The following FGGY variants were observed in gnomAD, a reference collection of about 807,000 sequenced individuals.
FGGY encodes the protein FGGY carbohydrate kinase domain containing.
In FGGY, 72 loss-of-function variants were observed where a neutral mutation model predicts 71.3. The observed-to-expected ratio is 1.01, with a 90% confidence interval of 0.84 to 1.23. The LOEUF (loss-of-function observed/expected upper bound fraction) is 1.23, where lower values mean the gene tolerates loss of function less well. FGGY is among the 50% of genes most tolerant of loss of function. The probability of loss-of-function intolerance (pLI) is 0.00; values close to 1 mark genes in which losing one functional copy is unlikely to be tolerated. For synonymous variants in FGGY, 251 were observed against 250.3 expected (o/e 1.00, Z -0.02); for missense variants, 668 against 682.3 (o/e 0.98, Z 0.23).
intron 2 of FGGY, among the ~76,000 whole-genome samples, chr1:59,325,381 C>A (rs557338076): frequency 3.3e-5 from 5 of 151,856 alleles, no homozygotes; most frequent in Admixed American, 1.3e-4. Context: ...ACAACAACAA[C>A]AACAAAAACA....
chr1:59,433,252 A>G (rs2067751849), intron 5 of FGGY, among the ~76,000 whole-genome samples: 1 of 152,210 alleles, frequency 6.6e-6, no homozygotes, highest in Non-Finnish European at 1.5e-5. Flanking sequence ...GCAGCCAGAT[A>G]AACCAAAAAT....
chr1:59,363,641 G>A (rs1376957237), intron 4 of FGGY, among the ~76,000 whole-genome samples: 2 of 152,160 alleles, frequency 1.3e-5, no homozygotes, highest in East Asian at 3.9e-4. Context: ...GTAGCATATT[G>A]CATGATCAGA....
chr1:59,682,639 C>A (rs568242241), intron 14 of FGGY, among the ~76,000 whole-genome samples: 1 of 152,330 alleles, frequency 6.6e-6, no homozygotes, highest in South Asian at 2.1e-4. Flanking sequence ...TCTCTCTAAT[C>A]TCCTGCCTGC....
intron 4 of FGGY, among the ~76,000 whole-genome samples, 179 bp downstream of exon 4, chr1:59,346,577 G>A (rs1039016736): frequency 1.3e-5 from 2 of 152,130 alleles, no homozygotes; most frequent in African/African-American, 4.8e-5. Flanking sequence ...CTGTTTTTAT[G>A]TGCCTAACTC....
intron 7 of FGGY, among the ~76,000 whole-genome samples, chr1:59,513,901 T>C (rs1487080079): frequency 6.6e-6 from 1 of 152,248 alleles, no homozygotes; most frequent in Non-Finnish European, 1.5e-5. Context: ...CATCAATCTA[T>C]GGACATGTCT....
At chr1:59,298,141 G>C (rs1208744291) in intron 1 of FGGY, among the ~76,000 whole-genome samples, 6 of 152,086 alleles carry the variant, frequency 3.9e-5, no homozygotes, top group Non-Finnish European at 2.9e-5. Context: ...GATCCACCAC[G>C]TGTATGTCCT....
chr1:59,330,487 T>C (rs1373451432), intron 2 of FGGY, among the ~76,000 whole-genome samples: 2 of 151,220 alleles, frequency 1.3e-5, no homozygotes, highest in African/African-American at 2.4e-5. Context: ...GAGAATCACT[T>C]GAACCCGGGA....
chr1:59,562,381 T>A (rs1358118463), intron 8 of FGGY, among the ~76,000 whole-genome samples: 1 of 152,240 alleles, frequency 6.6e-6, no homozygotes, highest in African/African-American at 2.4e-5. Context: ...CCATTAATTC[T>A]TCCAGGCAAC....
intron 2 of FGGY, among the ~76,000 whole-genome samples, chr1:59,338,246 T>C (rs2049991173): frequency 6.6e-6 from 1 of 152,192 alleles, no homozygotes; most frequent in Admixed American, 6.5e-5. Context: ...TTTGTTAATA[T>C]TTTGTTAAGG....
chr1:59,514,501 G>A (rs2094591616), intron 7 of FGGY, among the ~76,000 whole-genome samples: 1 of 152,162 alleles, frequency 6.6e-6, no homozygotes, highest in African/African-American at 2.4e-5. Context: ...ACCCTTAGAA[G>A]CTTTGGCTTA....
intron 7 of FGGY, among the ~76,000 whole-genome samples, chr1:59,512,733 T>C (rs550700522): frequency 1.3e-5 from 2 of 152,328 alleles, no homozygotes; most frequent in East Asian, 1.9e-4. Context: ...AAAAAAGATA[T>C]GTTAATTTCT....
At chr1:59,603,113 G>A (rs773984899) in intron 8 of FGGY, among the ~76,000 whole-genome samples, 2 of 152,174 alleles carry the variant, frequency 1.3e-5, no homozygotes, top group African/African-American at 4.8e-5. Flanking sequence ...ATGAACACCA[G>A]TATTCCCACC....
chr1:59,357,302 C>A (rs2054518455), intron 4 of FGGY, among the ~76,000 whole-genome samples: 1 of 150,876 alleles, frequency 6.6e-6, no homozygotes, highest in Admixed American at 6.6e-5. Context: ...AAGTTGTTGG[C>A]CAGATACCTT....
intron 8 of FGGY, among the ~76,000 whole-genome samples, chr1:59,606,085 A>G (rs914783889): frequency 2.6e-5 from 4 of 152,084 alleles, no homozygotes; most frequent in African/African-American, 9.7e-5. Flanking sequence ...GTTCTAGTTC[A>G]TCTCTTTAAA....
chr1:59,353,130 A>G (rs1248832526), intron 4 of FGGY, among the ~76,000 whole-genome samples: 1 of 152,222 alleles, frequency 6.6e-6, no homozygotes, highest in Non-Finnish European at 1.5e-5. Flanking sequence ...GGGATCTTGG[A>G]CAAGCTAAAA....
At chr1:59,631,503 G>A (rs201340563) in intron 10 of FGGY, among the ~76,000 whole-genome samples, 5 of 152,102 alleles carry the variant, frequency 3.3e-5, no homozygotes, top group East Asian at 3.9e-4. Flanking sequence ...TTATGCTTCC[G>A]GTCTTAGAAA....
At chr1:59,702,576 A>T (rs973286732) in intron 14 of FGGY, among the ~76,000 whole-genome samples, 1 of 152,186 alleles carries the variant, frequency 6.6e-6, no homozygotes, top group African/African-American at 2.4e-5. Context: ...AAGGGTGTTC[A>T]TAGAAGAGAG....
At position 59,372,202 on chromosome 1, in the gene FGGY, C is replaced by A. The variant is rs529223367; in HGVS notation, c.466-6547C>A. ...AAGAAAAAAAGAAGAATCAAATAGACGCAATTAAAAATGATAAAGGGAATA... is the reference window on the plus strand; with the variant it reads ...AAGAAAAAAAGAAGAATCAAATAGAAGCAATTAAAAATGATAAAGGGAATA... On this transcript the variant is annotated intron_variant, in intron 4 of 15. Coordinates refer to ENST00000303721, the MANE Select transcript of FGGY (RefSeq NM_018291.5). 5.3e-5 allele frequency among the ~76,000 whole-genome samples: 8 copies of A among 152,108 alleles called. No individual in the cohort carries two copies. In the South Asian group the frequency reaches 8.3e-4, roughly 16 times the overall value.
At chr1:59,355,062 G>A (rs556616358) in intron 4 of FGGY, among the ~76,000 whole-genome samples, 21 of 152,340 alleles carry the variant, frequency 1.4e-4, no homozygotes, top group African/African-American at 5.1e-4. Context: ...GAGGCCAGGG[G>A]CAGGAGTTTG....
Sources: allele counts gnomAD v4.1 joint callset (sites outside exome capture counted in the v4.1 genomes callset), GRCh38; gene constraint gnomAD v4.1.1; transcripts MANE v1.5; gene names NCBI Gene and HGNC (gene_info 2026-07-23, HGNC 2026-07-21).